PADI4: variants seen among roughly 807,000 people sequenced by gnomAD.
PADI4 encodes peptidyl arginine deiminase 4, also known as protein-arginine deiminase type-4.
A neutral mutation model predicts 75.0 loss-of-function variants in PADI4; 62 were observed. The observed-to-expected ratio is 0.83, with a 90% CI of 0.67 to 1.02. The LOEUF is 1.02. Among genes scored for constraint, PADI4 ranks in the 50% least tolerant of loss-of-function variants. The probability of loss-of-function intolerance (pLI) is 0.00; values close to 1 mark genes in which losing one functional copy is unlikely to be tolerated. For synonymous variants in PADI4, 361 were observed against 348.1 expected, an observed-to-expected ratio of 1.04 and a Z score of -0.41; for missense variants, 845 against 850.5, an observed-to-expected ratio of 0.99 and a Z score of 0.08.
At chr1:17,348,221 C>T (rs2074555081) in intron 10 of PADI4, 173 bp downstream of exon 10, 1 of 511,348 alleles carries the variant, frequency 2.0e-6, no homozygotes, top group Non-Finnish European at 3.5e-6. Context: ...TTTTTTATTA[C>T]CAAGATAAGA....
chr1:17,334,133 T>C (rs906171421), intron 3 of PADI4, 124 bp downstream of exon 3: 1 of 673,350 alleles, frequency 1.5e-6, no homozygotes, highest in African/African-American at 1.8e-5. Flanking sequence ...AGAAAAAGCA[T>C]GGTTTCTAGC....
Position 17,354,527 on chromosome 1 carries a change from T to C in PADI4, c.1156-6T>C. The C allele has an allele frequency of 1.2e-6, 2 of 1,613,982 alleles. No individual in the cohort carries two copies. Among genetic ancestry groups the C allele is most frequent in the Non-Finnish European group, 8.5e-7 (1 of 1,179,882 alleles). ...TAACTCTTGGCACTCCCTTCTCCTA[T>C]CTCAGGGTCCAGATTTTGGCTATGT... On this transcript the variant is annotated splice_polypyrimidine_tract_variant and splice_region_variant and intron_variant, in intron 10 of 15. Coordinates refer to ENST00000375448, the MANE Select transcript of PADI4 (RefSeq NM_012387.3).
intron 10 of PADI4, 88 bp downstream of exon 10, chr1:17,348,136 G>T (rs192760064): frequency 1.2e-6 from 1 of 804,954 alleles, no homozygotes; most frequent in Non-Finnish European, 2.1e-6. Flanking sequence ...CCCCGCCCGC[G>T]CCTGTAGCTG....
At chr1:17,309,267 G>A (rs552747910) in intron 1 of PADI4, among the ~76,000 whole-genome samples, 2 of 150,852 alleles carry the variant, frequency 1.3e-5, no homozygotes, top group South Asian at 4.2e-4. Flanking sequence ...TCCAGGCATT[G>A]TAAAGACCCT....
Position 17,338,100 on chromosome 1 carries a change from C to A in PADI4, c.471C>A (p.Asp157Glu). Residue 157 changes from aspartate (D) to glutamate (E), a missense_variant, in exon 5 of 16, where the codon GAC (aspartate) becomes GAA (glutamate). Physicochemically the swap from Asp to Glu is conservative, Grantham distance 45. Transcript: ENST00000375448. ...TCCTGCTGGTGAACTGTGACAGAGACAATCTCGAATCTTCTGCCATGGACT... is the reference window on the plus strand; with the variant it reads ...TCCTGCTGGTGAACTGTGACAGAGAAAATCTCGAATCTTCTGCCATGGACT... ...GAILLVNCDR[D>E]NLESSAMDCE... 6.2e-7 allele frequency: 1 copy of A among 1,613,590 alleles called. No homozygotes were observed. Among genetic ancestry groups the A allele is most frequent in the Non-Finnish European group, 8.5e-7 (1 of 1,179,670 alleles).
At chr1:17,339,261 T>C (rs1382826513) in intron 5 of PADI4, among the ~76,000 whole-genome samples, 2 of 152,174 alleles carry the variant, frequency 1.3e-5, no homozygotes, top group East Asian at 3.9e-4. Context: ...TCAAGTTGGT[T>C]CACAAACCCC....
Position 17,347,945 on chromosome 1 carries a change from A to C in PADI4, c.1052A>C (p.Glu351Ala). The C allele has an allele frequency of 1.9e-6, 3 of 1,572,082 alleles. No individual in the cohort carries two copies. The highest frequency in any genetic ancestry group is 2.6e-6 in the Non-Finnish European group (3 of 1,153,268). Residue 351 changes from glutamate to alanine, a missense_variant, in exon 10 of 16, where the codon GAA (glutamate) becomes GCA (alanine). Transcript: ENST00000375448. ...ENMDDQWMQD[E>A]MEIGYIQAPH... The stretch of plus-strand genomic sequence containing the variant: ...CCTCTCCACTCACTCCCACAGGATG[A>C]AATGGAGATCGGCTACATCCAAGCC...
rs186070680 is a variant in PADI4 at position 17,342,939 on chromosome 1, C to A, written c.935+537C>A. Among the ~76,000 whole-genome samples, 544 of 152,318 alleles carry A rather than the reference C, an allele frequency of 3.6e-3. 3 individuals are homozygous for A. The highest frequency in any genetic ancestry group is 0.012 in the African/African-American group (514 of 41,576). ...GCAGTGAGCTGAGATTGCGCCACTG[C>A]GCTCCAGCCTGGGCAACACAGTGAG... On this transcript the variant is annotated intron_variant, in intron 8 of 15. Coordinates refer to ENST00000375448, the MANE Select transcript of PADI4 (RefSeq NM_012387.3).
chr1:17,363,580 T>C lies in PADI4; in HGVS notation c.1817T>C (p.Ile606Thr). The change falls in exon 16 of 16, where the codon ATC becomes ACC. Residue 606 changes from isoleucine to threonine, a missense_variant. Ile to Thr is a moderately conservative substitution (Grantham distance 89). Coordinates refer to ENST00000375448, the MANE Select transcript of PADI4 (RefSeq NM_012387.3). The stretch of plus-strand genomic sequence containing the variant: ...ATCCCCAAGCCCTTCGGGCCCGTCA[T>C]CAACGGCCGCTGCTGCCTGGAGGAG... ...LGIPKPFGPV[I>T]NGRCCLEEKV... 1.2e-6 allele frequency: 2 copies of C among 1,614,074 alleles called. No individual in the cohort carries two copies. The highest frequency in any genetic ancestry group is 1.1e-5 in the South Asian group (1 of 91,062).
At chr1:17,310,556 C>A (rs2100641776) in intron 1 of PADI4, among the ~76,000 whole-genome samples, 1 of 152,184 alleles carries the variant, frequency 6.6e-6, no homozygotes, top group African/African-American at 2.4e-5. Flanking sequence ...ACCCGGGAGG[C>A]AGAGGTTGCA....
chr1:17,313,688 A>T (rs1303196569), intron 1 of PADI4, among the ~76,000 whole-genome samples: 1 of 151,900 alleles, frequency 6.6e-6, no homozygotes, highest in African/African-American at 2.4e-5. Context: ...TGTGTGTGAG[A>T]GTGGCAGACA....
At chr1:17,310,377 T>C (rs544127055) in intron 1 of PADI4, among the ~76,000 whole-genome samples, 1 of 152,242 alleles carries the variant, frequency 6.6e-6, no homozygotes, top group East Asian at 1.9e-4. Flanking sequence ...TCACTTCTTA[T>C]CTGTTCTTAA....
chr1:17,362,454 C>T (rs1443702403), intron 15 of PADI4, among the ~76,000 whole-genome samples: 2 of 151,804 alleles, frequency 1.3e-5, no homozygotes, highest in South Asian at 2.1e-4. Context: ...TCAAATACTG[C>T]ATGTTCTCAC....
rs1240797407 is a variant in PADI4, at chr1:17,341,964, G to A, written c.674G>A (p.Cys225Tyr). The change falls in exon 7 of 16, where the codon TGC becomes TAC. Residue 225 changes from cysteine (C) to tyrosine (Y), a missense_variant. By Grantham distance (194) the Cys-to-Tyr change is radical. Transcript: ENST00000375448. ...CTAGGGGGCAAACTGTCCTCCAAGT[G>A]CAGCGTAGTCTTGGGTCCCAAGTGG... ...QATRGKLSSK[C>Y]SVVLGPKWPS... is the part of the protein sequence containing the mutation. 1 of 1,613,906 alleles carries A rather than the reference G, an allele frequency of 6.2e-7. No homozygotes were observed. Among genetic ancestry groups the A allele is most frequent in the Non-Finnish European group, 8.5e-7 (1 of 1,179,852 alleles).
At chr1:17,348,550 A>G (rs2074560927) in intron 10 of PADI4, among the ~76,000 whole-genome samples, 2 of 152,058 alleles carry the variant, frequency 1.3e-5, no homozygotes, top group Admixed American at 1.3e-4. Flanking sequence ...CGTATTGCTG[A>G]CTCATGCTTG....
At chr1:17,347,907 C>T (rs2240336) in intron 9 of PADI4, 34 bp from the exon 10 acceptor site, 541,171 of 1,281,122 alleles carry the variant, frequency 0.42, 116,933 homozygotes, top group East Asian at 0.63. Context: ...CCAGGCAGCA[C>T]GCGCAACAGC....
At chr1:17,352,224 G>A (rs144682028) in intron 10 of PADI4, among the ~76,000 whole-genome samples, 23 of 124,662 alleles carry the variant, frequency 1.8e-4, no homozygotes, top group African/African-American at 4.4e-4. Flanking sequence ...GGGGTGGTCA[G>A]GGAAGAGATG....
At chr1:17,348,346 T>C (rs12758919) in intron 10 of PADI4, 4,345 of 248,142 alleles carry the variant, frequency 0.018, 59 homozygotes, top group Middle Eastern at 0.029. Flanking sequence ...GAAGAAGCTC[T>C]TGCTGCAAGG....
At chr1:17,342,561 T>A (rs1192024841) in intron 8 of PADI4, among the ~76,000 whole-genome samples, 159 bp downstream of exon 8, 1 of 152,150 alleles carries the variant, frequency 6.6e-6, no homozygotes, top group African/African-American at 2.4e-5. Context: ...AGTTCCCTAC[T>A]GTTGTTGTCA....
Sources: allele counts gnomAD v4.1 joint callset (sites outside exome capture counted in the v4.1 genomes callset), GRCh38; gene constraint gnomAD v4.1.1; transcripts MANE v1.5; gene names NCBI Gene and HGNC (gene_info 2026-07-23, HGNC 2026-07-21).